Variants in PLEKHA4 observed in about 807,000 individuals in gnomAD.
PLEKHA4 encodes the protein pleckstrin homology domain-containing family A member 4.
In PLEKHA4, 73 loss-of-function variants were observed where a neutral mutation model predicts 94.7. The observed-to-expected ratio is 0.77, with a 90% CI of 0.64 to 0.94. PLEKHA4 has a LOEUF of 0.94. Among genes scored for constraint, PLEKHA4 ranks in the 40% least tolerant of loss-of-function variants. The pLI, the probability that PLEKHA4 is intolerant of heterozygous loss-of-function variation, is 0.00. For missense variants in PLEKHA4, 1,049 were observed against 1,054.1 expected, an observed-to-expected ratio of 1.00 and a Z score of 0.07; for synonymous variants, 449 against 437.1, an observed-to-expected ratio of 1.03 and a Z score of -0.34.
At chr19:48,844,451 A>C (rs10413941) in intron 16 of PLEKHA4, 2 of 984,526 alleles carry the variant, frequency 2.0e-6, no homozygotes, top group African/African-American at 3.5e-5. Context: ...CACGGTTCCC[A>C]GCCCCAAGAA....
chr19:48,853,592 C>T lies in PLEKHA4; in HGVS notation c.1326+90G>A, dbSNP rs185890981. On this transcript the variant is annotated intron_variant, in intron 12 of 19. Coordinates refer to ENST00000263265, the MANE Select transcript of PLEKHA4 (RefSeq NM_020904.3). Reference sequence around the variant, plus strand: ...GTGTAGACTTCTGAAGAACGATCTTCCTATGAGCCCTCTGGGGCAGGTCCC... The same window carrying T: ...GTGTAGACTTCTGAAGAACGATCTTTCTATGAGCCCTCTGGGGCAGGTCCC... 5.4e-6 allele frequency: 7 copies of T among 1,297,974 alleles called. No homozygotes were observed. In the African/African-American group the frequency reaches 1.0e-4, roughly 19 times the overall value. 80.4% of individuals were successfully genotyped at this position (1,297,974 alleles called of 1,614,324 possible).
intron 5 of PLEKHA4, 147 bp downstream of exon 5, chr19:48,861,254 G>T: frequency 1.3e-6 from 1 of 742,538 alleles, no homozygotes; most frequent in Non-Finnish European, 2.4e-6. Context: ...ACAAAACGAG[G>T]ATGCAATTGA....
chr19:48,848,430 G>A (rs1336402882), intron 13 of PLEKHA4, among the ~76,000 whole-genome samples: 1 of 147,304 alleles, frequency 6.8e-6, no homozygotes, highest in Admixed American at 6.9e-5. Context: ...AGCTTGCAGT[G>A]AGCCGAGATC....
At chr19:48,842,510 C>T (rs1023060462) in intron 16 of PLEKHA4, among the ~76,000 whole-genome samples, 1 of 152,198 alleles carries the variant, frequency 6.6e-6, no homozygotes, top group African/African-American at 2.4e-5. Context: ...TAGCAGCACA[C>T]TCAGATTTCT....
At chr19:48,866,613 CTT>C (rs991753881) in intron 2 of PLEKHA4, among the ~76,000 whole-genome samples, 14 of 152,096 alleles carry the variant, frequency 9.2e-5, no homozygotes, top group African/African-American at 3.4e-4. Context: ...GGCCGAGACT[CTT>C]TTTTTGATGG....
intron 13 of PLEKHA4, among the ~76,000 whole-genome samples, chr19:48,851,889 C>T (rs142296350): frequency 0.1 from 15,157 of 151,816 alleles, 1,015 homozygotes; most frequent in Non-Finnish European, 0.15. Context: ...GGTTGCAGTG[C>T]GCCAAGATTG....
chr19:48,858,850 C>T lies in PLEKHA4; in HGVS notation c.972+10G>A. 1 of 1,613,416 alleles carries T rather than the reference C, an allele frequency of 6.2e-7. No individual in the cohort carries two copies. Among genetic ancestry groups the T allele is most frequent in the Non-Finnish European group, 8.5e-7 (1 of 1,179,790 alleles). ...AAACGTAGTCCCCTCCTTCTCACCTCTCTGCTCACCTGTGTTCTGGGCTCC... is the reference window on the plus strand; with the variant it reads ...AAACGTAGTCCCCTCCTTCTCACCTTTCTGCTCACCTGTGTTCTGGGCTCC... On this transcript the variant is annotated intron_variant, in intron 8 of 19. Coordinates refer to ENST00000263265, the MANE Select transcript of PLEKHA4 (RefSeq NM_020904.3).
chr19:48,865,701 G>T, intron 2 of PLEKHA4, 91 bp from the exon 3 acceptor site: 2 of 831,190 alleles, frequency 2.4e-6, no homozygotes, highest in Non-Finnish European at 3.9e-6. Flanking sequence ...GTAGGCTCTC[G>T]CTTGGCTGCC....
chr19:48,853,435 G>A (rs910195358), intron 12 of PLEKHA4, among the ~76,000 whole-genome samples: 3 of 151,932 alleles, frequency 2.0e-5, no homozygotes, highest in East Asian at 1.9e-4. Context: ...GGAGGCTGAG[G>A]TTGCAGTGAG....
At chr19:48,864,318 A>G (rs664914) in intron 3 of PLEKHA4, among the ~76,000 whole-genome samples, 63,285 of 151,300 alleles carry the variant, frequency 0.42, 16,456 homozygotes, top group African/African-American at 0.74. Context: ...AGGCACCCCC[A>G]AGCTGGCCCG....
At position 48,854,204 on chromosome 19, in the gene PLEKHA4, A is replaced by G; in HGVS notation, c.1095+13T>C. 1 of 1,613,864 alleles carries G rather than the reference A, an allele frequency of 6.2e-7. No homozygotes were observed. Among genetic ancestry groups the G allele is most frequent in the Non-Finnish European group, 8.5e-7 (1 of 1,179,734 alleles). ...CTGGGAACTCAGCAAGGATTAGATC[A>G]GTGACAACTTACATCTGTCTCCAAG... is the stretch of plus-strand genomic sequence containing the variant. On this transcript the variant is annotated intron_variant, in intron 10 of 19. Transcript: ENST00000263265.
intron 13 of PLEKHA4, 48 bp from the exon 14 acceptor site, chr19:48,848,088 AG>A (rs2122981280): frequency 1.9e-6 from 3 of 1,591,240 alleles, no homozygotes; most frequent in Non-Finnish European, 2.6e-6. Context: ...AAAACGCAGG[AG>A]GGTTTCAGCT....
chr19:48,837,525 G>T lies in PLEKHA4; in HGVS notation c.2104C>A (p.Pro702Thr), dbSNP rs146010977. ...TGGNLDSQGD[P>T]LPGVPLPPSD... ...GGAGGCAGCGGCACACCGGGAAGAGGGTCTCCCTGGGAGTCCAAATTTCCA... is the reference window on the plus strand; with the variant it reads ...GGAGGCAGCGGCACACCGGGAAGAGTGTCTCCCTGGGAGTCCAAATTTCCA... The change falls in exon 20 of 20, where the codon CCT becomes ACT. Residue 702 changes from proline (P) to threonine (T), a missense_variant. Transcript: ENST00000263265. This position sits in a 1 kb window ranked among gnomAD's most constrained non-coding sequence, Gnocchi z 4.3. The T allele has an allele frequency of 1.2e-6, 2 of 1,613,338 alleles. No individual in the cohort carries two copies. The highest frequency in any genetic ancestry group is 2.2e-5 in the East Asian group (1 of 44,870).
In PLEKHA4 at chr19:48,845,459, A is replaced by G. The variant is rs372712881; in HGVS notation, c.1667-13T>C. ...GGAGACCCAAGACCTGGAAAGACAG[A>G]ACGGGACTTGGTGAGGACGGGAATT... On this transcript the variant is annotated splice_polypyrimidine_tract_variant and intron_variant, in intron 15 of 19. Coordinates refer to ENST00000263265, the MANE Select transcript of PLEKHA4 (RefSeq NM_020904.3). 1.1e-4 allele frequency: 173 copies of G among 1,613,888 alleles called. No homozygotes were observed. The highest frequency in any genetic ancestry group is 1.4e-4 in the Non-Finnish European group (165 of 1,179,974).
intron 18 of PLEKHA4, 125 bp from the exon 19 acceptor site, chr19:48,838,254 T>C: frequency 1.9e-6 from 1 of 539,668 alleles, no homozygotes; most frequent in Non-Finnish European, 3.4e-6. Context: ...AGAATGACTA[T>C]AGTCAATAAT....
chr19:48,865,615 G>A lies in PLEKHA4; in HGVS notation c.85-5C>T, dbSNP rs1236590411. On this transcript the variant is annotated splice_region_variant and splice_polypyrimidine_tract_variant and intron_variant, in intron 2 of 19. Transcript: ENST00000263265. ...GTTTACTGCCCGGGTGGGCTTCTGA[G>A]GAGAGAAGGGGACAGAAGTGAACAG... is the stretch of plus-strand genomic sequence containing the variant. 1 of 1,594,270 alleles carries A rather than the reference G, an allele frequency of 6.3e-7. No individual in the cohort carries two copies. Among genetic ancestry groups the A allele is most frequent in the Non-Finnish European group, 8.6e-7 (1 of 1,162,660 alleles).
chr19:48,841,709 C>T (rs957074455), intron 16 of PLEKHA4, among the ~76,000 whole-genome samples: 5 of 151,204 alleles, frequency 3.3e-5, no homozygotes, highest in Admixed American at 3.3e-4. Context: ...AATCCCAGAG[C>T]TTTGGGAGGC....
In PLEKHA4 at chr19:48,847,933, G is replaced by A. The variant is rs760530535; in HGVS notation, c.1533C>T (p.Pro511=). 10 of 1,598,996 alleles carry A rather than the reference G, an allele frequency of 6.3e-6. No individual in the cohort carries two copies. The highest frequency in any genetic ancestry group is 1.3e-5 in the African/African-American group (1 of 74,290). Residue 511 remains proline, a synonymous_variant, in exon 14 of 20, where the codon CCC becomes CCT. Transcript: ENST00000263265. The part of the protein sequence containing the change: ...PPHTEPDSPS[P]VLQGEESSER... ...CTGAGGACTCCTCGCCCTGGAGCAC[G>A]GGAGATGGGGAGTCAGGCTCAGTGT... is the stretch of plus-strand genomic sequence containing the variant.
At chr19:48,841,733 T>C (rs1319270063) in intron 16 of PLEKHA4, among the ~76,000 whole-genome samples, 1 of 151,752 alleles carries the variant, frequency 6.6e-6, no homozygotes, top group African/African-American at 2.4e-5. Flanking sequence ...GGTGGGAGGA[T>C]CACTTGCGGC....
Sources: gnomAD v4.1 joint callset for allele counts (sites outside exome capture counted in the v4.1 genomes callset) on GRCh38, gnomAD v4.1.1 for gene constraint, Gnocchi (gnomAD v3.1) non-coding constraint, MANE v1.5 for transcripts, NCBI Gene and HGNC (gene_info 2026-07-23, HGNC 2026-07-21) for gene names.